Variants in N4BP2 observed in about 807,000 individuals in gnomAD.
The protein encoded by N4BP2 is NEDD4 binding protein 2, also known as NEDD4-binding protein 2.
Under a neutral mutation model 152.8 loss-of-function variants are expected in N4BP2, and 91 were observed. The ratio of observed to expected loss-of-function variants is 0.60; its 90% CI spans 0.50 to 0.71. The LOEUF is 0.71. Ranked by LOEUF, N4BP2 falls within the 30% of genes least tolerant of loss-of-function variation. The probability of loss-of-function intolerance (pLI) is 0.00; values close to 1 mark genes in which losing one functional copy is unlikely to be tolerated. For missense variants in N4BP2, 1,923 were observed against 2,059.1 expected, an observed-to-expected ratio of 0.93 and a Z score of 1.28; for synonymous variants, 646 against 705.3, an observed-to-expected ratio of 0.92 and a Z score of 1.33.
At chr4:40,167,109 A>G in the N4BP2 span, 1 of 152,342 alleles carries the variant, frequency 6.6e-6, no homozygotes, top group Middle Eastern at 3.4e-3. Context: ...ATAATCAGAT[A>G]ATTGACCTGG....
intron 1 of N4BP2, 101 bp from the exon 2 acceptor site, chr4:40,073,354 T>C (rs1400187061): frequency 6.6e-6 from 1 of 152,100 alleles, no homozygotes; most frequent in Non-Finnish European, 1.5e-5. Context: ...TTTTGGAATA[T>C]CATATATATT....
intron 1 of N4BP2, among the ~76,000 whole-genome samples, chr4:40,062,373 CCCT>C (rs1371148820): frequency 1.3e-5 from 2 of 152,126 alleles, no homozygotes; most frequent in Non-Finnish European, 2.9e-5. Flanking sequence ...CTCGCTGCTG[CCCT>C]CCTACTCCAT....
intron 16 of N4BP2, among the ~76,000 whole-genome samples, chr4:40,149,074 A>G (rs1560647507): frequency 6.6e-6 from 1 of 152,236 alleles, no homozygotes; most frequent in Non-Finnish European, 1.5e-5. Context: ...GGTTAAACAT[A>G]TAATTAACCG....
the N4BP2 span, among the ~76,000 whole-genome samples, chr4:40,169,731 G>A: frequency 4.6e-5 from 7 of 151,396 alleles, no homozygotes; most frequent in East Asian, 1.9e-4. Flanking sequence ...TTGGGAGGCC[G>A]AGGTGGGTGG....
chr4:40,057,207 G>A (rs1733251018), intron 1 of N4BP2, 177 bp downstream of exon 1: 1 of 152,256 alleles, frequency 6.6e-6, no homozygotes, highest in South Asian at 2.1e-4. Flanking sequence ...TCTGACCCGC[G>A]GGCCCGGCTG....
At chr4:40,186,454 T>C in the N4BP2 span, among the ~76,000 whole-genome samples, 1 of 152,184 alleles carries the variant, frequency 6.6e-6, no homozygotes, top group South Asian at 2.1e-4. Flanking sequence ...TTGGGAAATA[T>C]GTGGCTGGGC....
intron 16 of N4BP2, among the ~76,000 whole-genome samples, chr4:40,147,568 C>T (rs7376373): frequency 0.29 from 43,430 of 147,450 alleles, 6,656 homozygotes; most frequent in South Asian, 0.48. Context: ...CCGGACATGG[C>T]GGCTGGCCGG....
the N4BP2 span, among the ~76,000 whole-genome samples, chr4:40,165,218 G>A: frequency 6.6e-6 from 1 of 151,952 alleles, no homozygotes; most frequent in African/African-American, 2.4e-5. Flanking sequence ...TTTATTGTAA[G>A]CTAGCTCAAA....
intron 16 of N4BP2, among the ~76,000 whole-genome samples, chr4:40,147,524 G>A (rs545395886): frequency 6.7e-5 from 10 of 148,956 alleles, no homozygotes; most frequent in African/African-American, 1.5e-4. Flanking sequence ...CGGACGGGGC[G>A]GCTGGCCGGG....
intron 13 of N4BP2, among the ~76,000 whole-genome samples, chr4:40,134,524 A>G (rs1719179028): frequency 6.6e-6 from 1 of 152,204 alleles, no homozygotes. Flanking sequence ...TAAGAAGGGT[A>G]GGTGAGCTCA....
chr4:40,112,544 A>G (rs2109981956), intron 6 of N4BP2, among the ~76,000 whole-genome samples: 1 of 152,180 alleles, frequency 6.6e-6, no homozygotes, highest in Non-Finnish European at 1.5e-5. Context: ...GTTTTTCCCT[A>G]AATTTCTTTT....
rs775710593 is a variant in N4BP2, at chr4:40,121,893, A to T, written c.3782A>T (p.Asp1261Val). The T allele has an allele frequency of 3.1e-6, 5 of 1,604,182 alleles. No individual in the cohort carries two copies. In the South Asian group the frequency reaches 5.6e-5, roughly 18 times the overall value. The change falls in exon 9 of 18, where the codon GAT becomes GTT. Residue 1261 changes from aspartate (D) to valine (V), a missense_variant. Transcript: ENST00000261435. ...PGILKATTPK[D>V]MSETEKNLVV... ...ATTCTAAAAGCTACTACTCCTAAAG[A>T]TATGAGTGAAACAGAAAAAAACCTA... is the stretch of plus-strand genomic sequence containing the variant.
chr4:40,169,675 A>C, the N4BP2 span, among the ~76,000 whole-genome samples: 1 of 151,350 alleles, frequency 6.6e-6, no homozygotes, highest in Non-Finnish European at 1.5e-5. Flanking sequence ...AAAAAACAAA[A>C]AAAAGGAAGC....
At chr4:40,135,682 C>T (rs932266123) in intron 13 of N4BP2, among the ~76,000 whole-genome samples, 3 of 152,200 alleles carry the variant, frequency 2.0e-5, no homozygotes, top group Non-Finnish European at 4.4e-5. Flanking sequence ...CCTGTCTCAG[C>T]CTCCCAAGTA....
intron 14 of N4BP2, among the ~76,000 whole-genome samples, chr4:40,140,094 A>AT (rs1349817385): frequency 6.6e-6 from 1 of 151,918 alleles, no homozygotes; most frequent in Non-Finnish European, 1.5e-5. Context: ...GCCCAGCCTT[A>AT]TTTTTTTATT....
At chr4:40,099,569 A>G (rs1018065374) in intron 3 of N4BP2, among the ~76,000 whole-genome samples, 8 of 152,290 alleles carry the variant, frequency 5.3e-5, no homozygotes, top group African/African-American at 1.9e-4. Context: ...AGATTTTAAT[A>G]GGAATAAAAT....
chr4:40,065,832 G>T (rs1017455298), intron 1 of N4BP2, among the ~76,000 whole-genome samples: 3 of 152,192 alleles, frequency 2.0e-5, no homozygotes, highest in Non-Finnish European at 4.4e-5. Flanking sequence ...AGAAGTGGTT[G>T]ACCGGGGGCA....
chr4:40,067,735 G>A (rs568951507), intron 1 of N4BP2, among the ~76,000 whole-genome samples: 2 of 151,968 alleles, frequency 1.3e-5, no homozygotes, highest in East Asian at 3.9e-4. Flanking sequence ...GTCTCACTCC[G>A]TCACCCAGGG....
intron 14 of N4BP2, among the ~76,000 whole-genome samples, chr4:40,139,766 C>G (rs1328033323): frequency 6.7e-6 from 1 of 148,230 alleles, no homozygotes; most frequent in Non-Finnish European, 1.5e-5. Flanking sequence ...GCTGGGATTA[C>G]AGGCGTGAGC....
Sources: gnomAD v4.1 joint callset for allele counts (sites outside exome capture counted in the v4.1 genomes callset) on GRCh38, gnomAD v4.1.1 for gene constraint, MANE v1.5 for transcripts, NCBI Gene and HGNC (gene_info 2026-07-23, HGNC 2026-07-21) for gene names.